PRKAR1B: variants seen among roughly 807,000 people sequenced by gnomAD.
PRKAR1B encodes the protein cAMP-dependent protein kinase type I-beta regulatory subunit.
Under a neutral mutation model 46.5 loss-of-function variants are expected in PRKAR1B, and 22 were observed. The ratio of observed to expected loss-of-function variants is 0.47; its 90% CI spans 0.34 to 0.68. The LOEUF (loss-of-function observed/expected upper bound fraction) is 0.68. Among genes scored for constraint, PRKAR1B ranks in the 30% least tolerant of loss-of-function variants. The pLI is 0.01. For synonymous variants in PRKAR1B, 259 were observed against 217.7 expected (o/e 1.19, Z -1.67); for missense variants, 445 against 535.6 (o/e 0.83, Z 1.67).
rs997641029 is a variant in PRKAR1B, at chr7:558,328, G to GAAA, written c.892-6861_892-6859dup. On this transcript the variant is annotated intron_variant, in intron 9 of 10. Coordinates refer to ENST00000537384, the MANE Select transcript of PRKAR1B (RefSeq NM_001164760.2). ...GTGACAGAGCGAGACCCTGTCTCAG[G>GAAA]AAAAAAAAAAAAAAAAAAAGGAAGG... Among the ~76,000 whole-genome samples, 107 of 70,190 alleles carry GAAA rather than the reference G, an allele frequency of 1.5e-3. 3 individuals carry two copies. The highest frequency in any genetic ancestry group is 4.4e-3 in the African/African-American group (79 of 17,880). 46.0% of individuals were successfully genotyped at this position (70,190 alleles called of 152,430 possible). A position where few individuals can be genotyped will look rare whatever the true frequency, so the allele number is the denominator to read the frequency against.
intron 4 of PRKAR1B, among the ~76,000 whole-genome samples, chr7:632,421 C>T (rs543339616): frequency 3.3e-5 from 5 of 152,322 alleles, no homozygotes; most frequent in African/African-American, 4.8e-5. Context: ...CCCCCCGAGC[C>T]GCAGGCTCCA....
At chr7:678,867 C>G (rs1332851776) in intron 3 of PRKAR1B, among the ~76,000 whole-genome samples, 1 of 152,210 alleles carries the variant, frequency 6.6e-6, no homozygotes, top group African/African-American at 2.4e-5. Flanking sequence ...AGGTGGATCA[C>G]CTGAGGTCAG....
chr7:704,817 G>C (rs932027607), intron 2 of PRKAR1B, among the ~76,000 whole-genome samples: 28 of 152,072 alleles, frequency 1.8e-4, no homozygotes, highest in Admixed American at 2.0e-4. Flanking sequence ...AAAATATTTT[G>C]TAAATTAAAT....
chr7:655,366 T>C (rs140160336), intron 4 of PRKAR1B, among the ~76,000 whole-genome samples: 1 of 152,196 alleles, frequency 6.6e-6, no homozygotes, highest in Non-Finnish European at 1.5e-5. Context: ...GGCATGCCCC[T>C]GACCACAGGG....
chr7:710,643 CTTTT>C (rs1177446855), intron 2 of PRKAR1B, among the ~76,000 whole-genome samples: 10 of 137,622 alleles, frequency 7.3e-5, no homozygotes, highest in South Asian at 2.3e-4. Flanking sequence ...TTTCTTTTTC[CTTTT>C]TTTTTTTTTT....
chr7:713,999 G>A (rs1023701607), intron 1 of PRKAR1B, among the ~76,000 whole-genome samples: 3 of 152,110 alleles, frequency 2.0e-5, no homozygotes. Flanking sequence ...AACCCACTCA[G>A]ACCTCTGGCT....
intron 4 of PRKAR1B, among the ~76,000 whole-genome samples, chr7:642,096 A>G (rs1286754136): frequency 6.6e-6 from 1 of 151,938 alleles, no homozygotes; most frequent in East Asian, 1.9e-4. Flanking sequence ...GGGTCTTGCT[A>G]TGTTGGCTAG....
chr7:564,747 G>A (rs1779030317), intron 9 of PRKAR1B, among the ~76,000 whole-genome samples: 1 of 152,214 alleles, frequency 6.6e-6, no homozygotes, highest in Non-Finnish European at 1.5e-5. Context: ...CGGCCGGCCA[G>A]GACCAACAGG....
chr7:689,765 C>T (rs959939041), intron 2 of PRKAR1B, among the ~76,000 whole-genome samples: 12 of 151,150 alleles, frequency 7.9e-5, no homozygotes, highest in Admixed American at 1.3e-4. Flanking sequence ...CTGCAAGCTC[C>T]GCCTCCCAGG....
chr7:634,631 C>T (rs956913666), intron 4 of PRKAR1B, among the ~76,000 whole-genome samples: 1 of 150,476 alleles, frequency 6.6e-6, no homozygotes, highest in African/African-American at 2.5e-5. Flanking sequence ...GTCCTGGTGT[C>T]TGCAACTTAC....
At chr7:721,450 A>G (rs1368886091) in intron 1 of PRKAR1B, among the ~76,000 whole-genome samples, 4 of 152,138 alleles carry the variant, frequency 2.6e-5, no homozygotes, top group Non-Finnish European at 4.4e-5. Flanking sequence ...GGAGTTCAAG[A>G]CCAGCCTGAC....
intron 9 of PRKAR1B, among the ~76,000 whole-genome samples, chr7:559,085 A>G (rs1778626374): frequency 6.6e-6 from 1 of 152,218 alleles, no homozygotes; most frequent in Non-Finnish European, 1.5e-5. Context: ...GCTCGCCTTC[A>G]GTCACTCGTC....
In PRKAR1B at chr7:666,779, C is replaced by T. The variant is rs1030602766; in HGVS notation, c.440+10450G>A. Among the ~76,000 whole-genome samples the T allele has an allele frequency of 6.6e-6, 1 of 152,230 alleles. No individual in the cohort carries two copies. The highest frequency in any genetic ancestry group is 1.5e-5 in the Non-Finnish European group (1 of 68,038). ...GAGAATGACTCAAGGCTACCCCAGC[C>T]TCTTTCTCAGACCAAGTACTGAGTG... On this transcript the variant is annotated intron_variant, in intron 4 of 10. Coordinates refer to ENST00000537384, the MANE Select transcript of PRKAR1B (RefSeq NM_001164760.2). The surrounding 1 kb of genome is among the most constrained non-coding windows in gnomAD (Gnocchi z 4.9).
At chr7:616,297 C>G (rs1782820748) in intron 4 of PRKAR1B, among the ~76,000 whole-genome samples, 1 of 152,208 alleles carries the variant, frequency 6.6e-6, no homozygotes, top group Admixed American at 6.5e-5. Flanking sequence ...TCAGAGATCT[C>G]CATCAACCAC....
At position 602,397 on chromosome 7, in the gene PRKAR1B, A is replaced by T. The variant is rs542357457; in HGVS notation, c.549+3796T>A. 3.6e-4 allele frequency among the ~76,000 whole-genome samples: 55 copies of T among 152,174 alleles called. No individual in the cohort carries two copies. The East Asian group carries it at 0.01, about 28-fold the overall frequency. On this transcript the variant is annotated intron_variant, in intron 6 of 10. Coordinates refer to ENST00000537384, the MANE Select transcript of PRKAR1B (RefSeq NM_001164760.2). This position sits in a 1 kb window ranked among gnomAD's most constrained non-coding sequence, Gnocchi z 6.4. ...TGCGAGGATGAGGAGGAGGAGGAGG[A>T]GGTCCCGCCAAGGTCAGCCGGGGCA...
Position 570,204 on chromosome 7 carries a change from C to T in PRKAR1B, c.891+9052G>A, listed in dbSNP as rs929368708. On this transcript the variant is annotated intron_variant, in intron 9 of 10. Coordinates refer to ENST00000537384, the MANE Select transcript of PRKAR1B (RefSeq NM_001164760.2). ...CGGCCGGTGCAGGTTCCCCCACAGGCACATACTCCTAGGCCTCCGGAAGGT... is the reference window on the plus strand; with the variant it reads ...CGGCCGGTGCAGGTTCCCCCACAGGTACATACTCCTAGGCCTCCGGAAGGT... Among the ~76,000 whole-genome samples the T allele has an allele frequency of 2.0e-4, 31 of 152,346 alleles. 1 individual carries two copies. The highest frequency in any genetic ancestry group is 1.3e-4 in the Non-Finnish European group (9 of 68,034).
chr7:597,738 C>T (rs1583272744), intron 6 of PRKAR1B, among the ~76,000 whole-genome samples: 1 of 152,214 alleles, frequency 6.6e-6, no homozygotes, highest in African/African-American at 2.4e-5. Context: ...GAAGGGCCTG[C>T]GATGGCCGGG....
rs997554618 is a variant in PRKAR1B at position 644,371 on chromosome 7, C to T, written c.440+32858G>A. On this transcript the variant is annotated intron_variant, in intron 4 of 10. Transcript: ENST00000537384. This position sits in a 1 kb window ranked among gnomAD's most constrained non-coding sequence, Gnocchi z 4.9. ...ACACAATGAGGTGGGGAAACTGAGG[C>T]GCGCACATTCGGAACGGGGTTTTGC... Among the ~76,000 whole-genome samples the T allele has an allele frequency of 5.3e-5, 8 of 152,180 alleles. No individual in the cohort carries two copies. Among genetic ancestry groups the T allele is most frequent in the African/African-American group, 9.7e-5 (4 of 41,442 alleles).
At chr7:636,551 G>A (rs1286631841) in intron 4 of PRKAR1B, among the ~76,000 whole-genome samples, 1 of 152,184 alleles carries the variant, frequency 6.6e-6, no homozygotes, top group Non-Finnish European at 1.5e-5. Context: ...TGGTCCTGGG[G>A]CCCCTCCTGC....
Sources: allele counts gnomAD v4.1 joint callset (sites outside exome capture counted in the v4.1 genomes callset), GRCh38; gene constraint gnomAD v4.1.1; non-coding constraint Gnocchi (gnomAD v3.1); transcripts MANE v1.5; gene names NCBI Gene and HGNC (gene_info 2026-07-23, HGNC 2026-07-21).